The following DPP6 variants were observed in gnomAD, a reference collection of about 807,000 sequenced individuals.
The protein encoded by DPP6 is A-type potassium channel modulatory protein DPP6.
DPP6 carries 69 observed loss-of-function variants against 122.6 expected under a neutral mutation model. The ratio of observed to expected loss-of-function variants is 0.56; its 90% CI spans 0.46 to 0.69. DPP6 has a LOEUF of 0.69. Ranked by LOEUF, DPP6 falls within the 30% of genes least tolerant of loss-of-function variation. The pLI is 0.00. For synonymous variants in DPP6, 418 were observed against 433.1 expected, an observed-to-expected ratio of 0.97 and a Z score of 0.43; for missense variants, 928 against 1,116.9, an observed-to-expected ratio of 0.83 and a Z score of 2.41.
At chr7:154,668,969 AATT>A (rs372957451) in intron 6 of DPP6, among the ~76,000 whole-genome samples, 2 of 152,306 alleles carry the variant, frequency 1.3e-5, no homozygotes, top group East Asian at 3.9e-4. Flanking sequence ...ACCTAGAAAA[AATT>A]ATCTTCTAGG....
chr7:154,090,386 G>A (rs1034476676), intron 1 of DPP6, among the ~76,000 whole-genome samples: 3 of 152,166 alleles, frequency 2.0e-5, no homozygotes, highest in African/African-American at 7.2e-5. Flanking sequence ...TTAGGATCCG[G>A]TTGCTAATTG....
At chr7:154,038,142 C>T (rs1328629242) in intron 1 of DPP6, among the ~76,000 whole-genome samples, 1 of 149,486 alleles carries the variant, frequency 6.7e-6, no homozygotes, top group African/African-American at 2.6e-5. Flanking sequence ...GATTTTGTTA[C>T]TTTTGTTGTC....
intron 1 of DPP6, among the ~76,000 whole-genome samples, chr7:154,419,956 A>C (rs1817325265): frequency 6.6e-6 from 1 of 152,206 alleles, no homozygotes; most frequent in East Asian, 1.9e-4. Context: ...GTCCATTGAA[A>C]TGTGGAAACA....
At chr7:154,313,348 G>C (rs1039901353) in intron 1 of DPP6, among the ~76,000 whole-genome samples, 1 of 152,068 alleles carries the variant, frequency 6.6e-6, no homozygotes, top group Admixed American at 6.6e-5. Flanking sequence ...GAGATGGTTT[G>C]GGAAAACAGA....
At chr7:153,961,249 C>T (rs559370798) in intron 1 of DPP6, among the ~76,000 whole-genome samples, 1 of 150,764 alleles carries the variant, frequency 6.6e-6, no homozygotes, top group Non-Finnish European at 1.5e-5. Flanking sequence ...GAACCTGTGG[C>T]AGGAATCCAC....
Position 154,241,186 on chromosome 7 carries a change from T to TGCGCGC in DPP6, c.243+188124_243+188125insCGCGCG, listed in dbSNP as rs767081629. Reference sequence around the variant, plus strand: ...CACAGTAGGTAATTCAATATCAATATGTGTGTGTGTGTGTGTGTGTGTGTG... The same window carrying TGCGCGC: ...CACAGTAGGTAATTCAATATCAATATGCGCGCGTGTGTGTGTGTGTGTGTGTGTGTG... On this transcript the variant is annotated intron_variant, in intron 1 of 25. Transcript: ENST00000377770. This position sits in a 1 kb window ranked among gnomAD's most constrained non-coding sequence, Gnocchi z 9.0. Among the ~76,000 whole-genome samples the TGCGCGC allele has an allele frequency of 3.9e-5, 1 of 25,734 alleles. No individual in the cohort carries two copies. Among genetic ancestry groups the TGCGCGC allele is most frequent in the African/African-American group, 7.7e-5 (1 of 12,910 alleles). 16.9% of individuals were successfully genotyped at this position (25,734 alleles called of 152,430 possible).
At position 154,670,950 on chromosome 7, in the gene DPP6, C is replaced by T. The variant is rs115688852; in HGVS notation, c.762+1509C>T. Among the ~76,000 whole-genome samples, 847 of 152,240 alleles carry T rather than the reference C, an allele frequency of 5.6e-3. 8 individuals carry two copies. The highest frequency in any genetic ancestry group is 0.019 in the African/African-American group (804 of 41,546). ...AACTGATAACAGAGGTTTTGAAAAG[C>T]ATATGTAACTGATCAAAATCACAGG... is the stretch of plus-strand genomic sequence containing the variant. On this transcript the variant is annotated intron_variant, in intron 7 of 25. Transcript: ENST00000377770.
intron 1 of DPP6, among the ~76,000 whole-genome samples, chr7:154,321,327 T>C (rs1280238713): frequency 6.6e-6 from 1 of 151,364 alleles, no homozygotes; most frequent in African/African-American, 2.4e-5. Flanking sequence ...CTGCTCTCCA[T>C]GTATCCCTCT....
At chr7:154,302,585 G>A (rs1805984253) in intron 1 of DPP6, among the ~76,000 whole-genome samples, 1 of 152,160 alleles carries the variant, frequency 6.6e-6, no homozygotes, top group African/African-American at 2.4e-5. Context: ...GGGCCTGGCT[G>A]GTCAAAGTCC....
chr7:154,597,702 T>G (rs1486937531), intron 5 of DPP6, among the ~76,000 whole-genome samples: 1 of 152,160 alleles, frequency 6.6e-6, no homozygotes, highest in Non-Finnish European at 1.5e-5. Context: ...AAATGTATTG[T>G]CTCACGGTTC....
chr7:153,968,237 C>A (rs1013807201), intron 1 of DPP6, among the ~76,000 whole-genome samples: 10 of 150,336 alleles, frequency 6.7e-5, no homozygotes, highest in Non-Finnish European at 1.0e-4. Context: ...AAAAAACCAT[C>A]GAGTTGGTAT....
intron 1 of DPP6, among the ~76,000 whole-genome samples, chr7:154,083,445 G>A (rs1585338662): frequency 6.6e-6 from 1 of 151,302 alleles, no homozygotes; most frequent in African/African-American, 2.4e-5. Flanking sequence ...GGAGAATAGC[G>A]TTGCCATCCT....
At chr7:154,451,949 A>G (rs1289046737) in intron 2 of DPP6, among the ~76,000 whole-genome samples, 1 of 152,222 alleles carries the variant, frequency 6.6e-6, no homozygotes, top group Non-Finnish European at 1.5e-5. Flanking sequence ...GCCTGACTGC[A>G]TCCACTCTCC....
intron 1 of DPP6, among the ~76,000 whole-genome samples, chr7:153,939,726 A>C (rs1318735074): frequency 6.6e-6 from 1 of 152,230 alleles, no homozygotes; most frequent in African/African-American, 2.4e-5. Context: ...CTCATATGAA[A>C]GACAGCTATG....
At chr7:154,853,398 G>A (rs1334929979) in intron 16 of DPP6, among the ~76,000 whole-genome samples, 2 of 152,240 alleles carry the variant, frequency 1.3e-5, no homozygotes, top group Non-Finnish European at 2.9e-5. Context: ...AGCAGACTTA[G>A]CACTGAGGCT....
At chr7:154,623,042 C>T (rs373004915) in intron 5 of DPP6, among the ~76,000 whole-genome samples, 4 of 152,204 alleles carry the variant, frequency 2.6e-5, no homozygotes, top group Non-Finnish European at 5.9e-5. Flanking sequence ...TTTGTGGACC[C>T]GTCTGGATTG....
chr7:153,882,149 T>C (rs890320715), upstream of DPP6, among the ~76,000 whole-genome samples: 38 of 152,236 alleles, frequency 2.5e-4, no homozygotes, highest in Non-Finnish European at 1.8e-4. Flanking sequence ...AAACGATTAT[T>C]ATCATACCTG....
At chr7:153,833,180 A>G in the DPP6 span, among the ~76,000 whole-genome samples, 25 of 152,212 alleles carry the variant, frequency 1.6e-4, no homozygotes, top group Non-Finnish European at 3.1e-4. Context: ...CCTGTGCTTC[A>G]GTGGAACTGC....
the DPP6 span, among the ~76,000 whole-genome samples, chr7:153,870,697 C>T: frequency 6.6e-6 from 1 of 152,214 alleles, no homozygotes; most frequent in Non-Finnish European, 1.5e-5. Flanking sequence ...TGGTGAGGTG[C>T]TGCGTTCCTT....
Sources: allele counts gnomAD v4.1 joint callset (sites outside exome capture counted in the v4.1 genomes callset), GRCh38; gene constraint gnomAD v4.1.1; non-coding constraint Gnocchi (gnomAD v3.1); transcripts MANE v1.5; gene names NCBI Gene and HGNC (gene_info 2026-07-23, HGNC 2026-07-21).